Variants in GAS2 observed in about 807,000 individuals in gnomAD.
The protein encoded by GAS2 is growth arrest-specific protein 2.
In GAS2, 20 loss-of-function variants were observed where a neutral mutation model predicts 37.5. The ratio of observed to expected loss-of-function variants is 0.53; its 90% CI spans 0.37 to 0.77. The LOEUF is 0.77. Among genes scored for constraint, GAS2 ranks in the 30% least tolerant of loss-of-function variants. The probability of loss-of-function intolerance (pLI) is 0.00; values close to 1 mark genes in which losing one functional copy is unlikely to be tolerated. For missense variants in GAS2, 336 were observed against 373.4 expected (o/e 0.90, Z 0.82); for synonymous variants, 144 against 132.2 (o/e 1.09, Z -0.61).
At chr11:22,633,659 G>A (rs1858777390) in intron 1 of GAS2, among the ~76,000 whole-genome samples, 1 of 152,160 alleles carries the variant, frequency 6.6e-6, no homozygotes, top group South Asian at 2.1e-4. Context: ...GGCAGCTGGA[G>A]AAGCTTTCAG....
chr11:22,654,680 G>A (rs2133837924), intron 1 of GAS2, among the ~76,000 whole-genome samples: 1 of 152,236 alleles, frequency 6.6e-6, no homozygotes, highest in South Asian at 2.1e-4. Flanking sequence ...ACAAATGTAA[G>A]CCATCATGCT....
intron 7 of GAS2, among the ~76,000 whole-genome samples, chr11:22,771,666 T>C (rs913492293): frequency 6.6e-6 from 1 of 152,216 alleles, no homozygotes; most frequent in East Asian, 1.9e-4. Flanking sequence ...TTGTCTGTTA[T>C]ACATAAATGC....
At chr11:22,743,782 A>G (rs1008475164) in intron 5 of GAS2, among the ~76,000 whole-genome samples, 4 of 152,176 alleles carry the variant, frequency 2.6e-5, no homozygotes, top group African/African-American at 9.6e-5. Context: ...AGAAGAAAAG[A>G]AATAACTAAA....
chr11:22,759,034 C>A (rs1854220769), intron 7 of GAS2, among the ~76,000 whole-genome samples: 2 of 152,090 alleles, frequency 1.3e-5, no homozygotes. Context: ...TGCTAACCAC[C>A]TTACAAGGTT....
chr11:22,649,385 G>T (rs1467487173), intron 1 of GAS2, among the ~76,000 whole-genome samples: 3 of 151,180 alleles, frequency 2.0e-5, no homozygotes, highest in African/African-American at 4.8e-5. Flanking sequence ...TCTCTTTTTT[G>T]GTTGTGTCTC....
intron 7 of GAS2, 53 bp downstream of exon 7, chr11:22,756,006 A>G: frequency 8.0e-7 from 1 of 1,257,778 alleles, no homozygotes; most frequent in Non-Finnish European, 1.1e-6. Context: ...TCAGAATTTG[A>G]GTTAGGGGAA....
chr11:22,745,311 A>G (rs767264968), intron 5 of GAS2, among the ~76,000 whole-genome samples: 2 of 152,076 alleles, frequency 1.3e-5, no homozygotes, highest in Non-Finnish European at 2.9e-5. Context: ...AAAGCTGCCT[A>G]CCTACAGCCA....
At chr11:22,793,119 TAA>T (rs1006129924) in intron 7 of GAS2, among the ~76,000 whole-genome samples, 5 of 151,692 alleles carry the variant, frequency 3.3e-5, no homozygotes, top group Admixed American at 3.3e-4. Context: ...ACTAAAAATA[TAA>T]AAGTTAGTCA....
intron 1 of GAS2, among the ~76,000 whole-genome samples, chr11:22,629,137 T>A (rs1021522904): frequency 1.3e-5 from 2 of 152,194 alleles, no homozygotes; most frequent in African/African-American, 2.4e-5. Context: ...AACATATACA[T>A]GCAAGTGTCT....
chr11:22,755,795 A>G, intron 6 of GAS2, 51 bp from the exon 7 acceptor site: 3 of 1,388,390 alleles, frequency 2.2e-6, no homozygotes, highest in Non-Finnish European at 3.1e-6. Context: ...GCAAATTAAC[A>G]TAAATGCAGC....
intron 1 of GAS2, among the ~76,000 whole-genome samples, chr11:22,646,504 AT>A (rs1848696211): frequency 6.6e-6 from 1 of 152,176 alleles, no homozygotes; most frequent in South Asian, 2.1e-4. Context: ...GAATTTTGTA[AT>A]CTCATTTGGT....
At chr11:22,810,809 C>CA (rs11334851) in intron 7 of GAS2, among the ~76,000 whole-genome samples, 1 of 151,242 alleles carries the variant, frequency 6.6e-6, no homozygotes, top group African/African-American at 2.4e-5. Flanking sequence ...GGCTGGGAGT[C>CA]AAAAAAAAAA....
chr11:22,771,323 C>T (rs971545525), intron 7 of GAS2, among the ~76,000 whole-genome samples: 7 of 152,132 alleles, frequency 4.6e-5, no homozygotes, highest in Admixed American at 6.5e-5. Flanking sequence ...ATCATCTTGG[C>T]CTTTGCTTTC....
At chr11:22,674,728 TA>T in intron 1 of GAS2, 121 bp from the exon 2 acceptor site, 1 of 694,370 alleles carries the variant, frequency 1.4e-6, no homozygotes, top group South Asian at 2.6e-5. Context: ...ATGGGGTTAA[TA>T]ATTAATAAAC....
chr11:22,644,966 C>T (rs959867828), intron 1 of GAS2, among the ~76,000 whole-genome samples: 19 of 152,104 alleles, frequency 1.2e-4, no homozygotes, highest in African/African-American at 4.6e-4. Context: ...TCTTCACCTT[C>T]CCTCTTGTTG....
intron 3 of GAS2, among the ~76,000 whole-genome samples, chr11:22,708,119 A>G (rs2134065006): frequency 6.6e-6 from 1 of 152,276 alleles, no homozygotes; most frequent in East Asian, 1.9e-4. Flanking sequence ...GGATGAAGGA[A>G]GAATCAAAGC....
At chr11:22,782,340 T>C (rs1855591579) in intron 7 of GAS2, among the ~76,000 whole-genome samples, 1 of 152,182 alleles carries the variant, frequency 6.6e-6, no homozygotes, top group South Asian at 2.1e-4. Context: ...ACCAGAAGTT[T>C]AAAAGAAAAA....
intron 4 of GAS2, among the ~76,000 whole-genome samples, chr11:22,735,175 G>A (rs1227875737): frequency 6.8e-6 from 1 of 146,896 alleles, no homozygotes; most frequent in Admixed American, 6.8e-5. Context: ...ATTAAGTTAT[G>A]CAACTCTACA....
At position 22,755,907 on chromosome 11, in the gene GAS2, T is replaced by A. The variant is rs770178539; in HGVS notation, c.677T>A (p.Leu226His). The A allele has an allele frequency of 5.6e-6, 9 of 1,612,934 alleles. No homozygotes were observed. In the Admixed American group the frequency reaches 1.5e-4, roughly 27 times the overall value. ...CCAAACAAGTTCTGTGTGGAGCGGC[T>A]CTCCCAAGGAAGATACCGAGTGGGA... ...KCPNKFCVERLSQGRYRVGEK... is the reference protein window; with the variant it reads ...KCPNKFCVERHSQGRYRVGEK... The change falls in exon 7 of 8, where the codon CTC (leucine) becomes CAC (histidine). Residue 226 changes from leucine (L) to histidine (H), a missense_variant. Leu to His is a moderately conservative substitution (Grantham distance 99). Coordinates refer to ENST00000454584, the MANE Select transcript of GAS2 (RefSeq NM_001143830.3).
Sources: allele counts gnomAD v4.1 joint callset (sites outside exome capture counted in the v4.1 genomes callset), GRCh38; gene constraint gnomAD v4.1.1; transcripts MANE v1.5; gene names NCBI Gene and HGNC (gene_info 2026-07-23, HGNC 2026-07-21).